DGKD: variants seen among roughly 807,000 people sequenced by gnomAD.
DGKD encodes diacylglycerol kinase delta, also known as DAG kinase delta.
Under a neutral mutation model 154.4 loss-of-function variants are expected in DGKD, and 68 were observed. That is an observed-to-expected ratio of 0.44 (90% CI 0.36 to 0.54). DGKD has a LOEUF of 0.54. DGKD is among the 20% of genes least tolerant of loss of function. The probability of loss-of-function intolerance (pLI) is 0.00; values close to 1 mark genes in which losing one functional copy is unlikely to be tolerated. For synonymous variants in DGKD, 693 were observed against 638.0 expected (o/e 1.09, Z -1.30); for missense variants, 1,343 against 1,593.6 (o/e 0.84, Z 2.68).
chr2:233,366,283 C>T (rs944981018), intron 1 of DGKD, among the ~76,000 whole-genome samples: 9 of 152,168 alleles, frequency 5.9e-5, no homozygotes, highest in South Asian at 2.1e-4. Flanking sequence ...AGCTGCGCTG[C>T]GGTTGCCTGA....
chr2:233,425,389 G>C (rs1426771709), intron 3 of DGKD, among the ~76,000 whole-genome samples: 2 of 152,066 alleles, frequency 1.3e-5, no homozygotes, highest in Non-Finnish European at 2.9e-5. Flanking sequence ...GGGTTTCACT[G>C]TGTTAGCCAG....
chr2:233,370,754 G>A (rs1404292323), intron 1 of DGKD, among the ~76,000 whole-genome samples: 2 of 151,314 alleles, frequency 1.3e-5, no homozygotes, highest in Admixed American at 1.3e-4. Flanking sequence ...CATTTATTTT[G>A]TATTTTTTTT....
At chr2:233,434,697 T>C in intron 4 of DGKD, 72 bp from the exon 5 acceptor site, 1 of 1,571,150 alleles carries the variant, frequency 6.4e-7, no homozygotes, top group Non-Finnish European at 8.6e-7. Context: ...TTGTTTAATC[T>C]TGTCCAAGTT....
At chr2:233,417,145 T>A (rs1448672167) in intron 3 of DGKD, among the ~76,000 whole-genome samples, 1 of 152,110 alleles carries the variant, frequency 6.6e-6, no homozygotes, top group Non-Finnish European at 1.5e-5. Context: ...TGATTCTCCC[T>A]CCTCAGCCTC....
chr2:233,429,836 T>G (rs1475752921), intron 3 of DGKD, among the ~76,000 whole-genome samples: 1 of 152,204 alleles, frequency 6.6e-6, no homozygotes, highest in Non-Finnish European at 1.5e-5. Flanking sequence ...GCCCCAGGTG[T>G]TCTTCTCCCA....
At chr2:233,406,893 T>A (rs1028021724) in intron 3 of DGKD, among the ~76,000 whole-genome samples, 1 of 152,216 alleles carries the variant, frequency 6.6e-6, no homozygotes, top group Non-Finnish European at 1.5e-5. Flanking sequence ...ATAACCATGT[T>A]ATGCAGAGAG....
rs578226331 is a variant in DGKD, at chr2:233,451,768, A to G, written c.2168-196A>G. On this transcript the variant is annotated intron_variant, in intron 17 of 29. Transcript: ENST00000264057. Reference sequence around the variant, plus strand: ...TTGTAGGTGTTGGTTTCTGCCACCCAGTATGGTTTCTTTGTTCCAGTGATT... The same window carrying G: ...TTGTAGGTGTTGGTTTCTGCCACCCGGTATGGTTTCTTTGTTCCAGTGATT... Among the ~76,000 whole-genome samples the G allele has an allele frequency of 2.3e-3, 344 of 152,266 alleles. 4 individuals carry two copies. Among genetic ancestry groups the G allele is most frequent in the Non-Finnish European group, 1.4e-3 (95 of 68,010 alleles).
chr2:233,422,164 T>C (rs1559527193), intron 3 of DGKD, among the ~76,000 whole-genome samples: 1 of 152,238 alleles, frequency 6.6e-6, no homozygotes. Flanking sequence ...ACATTGGTAT[T>C]GCCGTAGTGG....
chr2:233,410,304 G>A (rs972376561), intron 3 of DGKD, among the ~76,000 whole-genome samples: 3 of 152,280 alleles, frequency 2.0e-5, no homozygotes, highest in African/African-American at 7.2e-5. Flanking sequence ...CAGGAGCCTT[G>A]GGGTTTGTCC....
chr2:233,409,787 G>GTTTTT lies in DGKD; in HGVS notation c.348+19329_348+19333dup, dbSNP rs3075533. 9.9e-5 allele frequency among the ~76,000 whole-genome samples: 6 copies of GTTTTT among 60,894 alleles called. 1 individual carries two copies. The highest frequency in any genetic ancestry group is 3.7e-4 in the African/African-American group (5 of 13,548). 39.9% of individuals were successfully genotyped at this position (60,894 alleles called of 152,430 possible). ...AAAAAACATGTGATCCCCCCATACC[G>GTTTTT]TTTTTTTTTTTTTTTTTTTTTTTTT... On this transcript the variant is annotated intron_variant, in intron 3 of 29. Transcript: ENST00000264057.
At position 233,464,246 on chromosome 2, in the gene DGKD, C is replaced by G. The variant is rs771282230; in HGVS notation, c.3269C>G (p.Pro1090Arg). The G allele has an allele frequency of 6.2e-7, 1 of 1,613,578 alleles. No homozygotes were observed. Among genetic ancestry groups the G allele is most frequent in the Non-Finnish European group, 8.5e-7 (1 of 1,180,020 alleles). ...CAGCTCAGGAGGCTGGCAGACACCC[C>G]GTGGCTCTGCCAGTCCGCAGAGCCC... is the stretch of plus-strand genomic sequence containing the variant. ...DRQLRRLADT[P>R]WLCQSAEPGD... is the part of the protein sequence containing the mutation. The change falls in exon 27 of 30, where the codon CCG (proline) becomes CGG (arginine). Residue 1090 changes from proline to arginine, a missense_variant. Physicochemically the swap from Pro to Arg is moderately radical, Grantham distance 103 (BLOSUM62 -2). Around this residue, in one of 6 missense-constraint regions of DGKD, gnomAD observed 429 missense variants for 496.3 expected, o/e 0.86. Transcript: ENST00000264057.
At position 233,452,043 on chromosome 2, in the gene DGKD, C is replaced by T. The variant is rs1037804898; in HGVS notation, c.2247C>T (p.Asn749=). Residue 749 remains asparagine (N), a synonymous_variant, in exon 18 of 30, where the codon AAC becomes AAT. Transcript: ENST00000264057. This position sits in a 1 kb window ranked among gnomAD's most constrained non-coding sequence, Gnocchi z 4.0. ...TGTTAATTAATGCTGATCCCTTCAA[C>T]TCTGAACCAGAAACCCTGTGAGTAT... ...SRLLINADPF[N]SEPETLEYYT... 1 of 1,614,048 alleles carries T rather than the reference C, an allele frequency of 6.2e-7. No individual in the cohort carries two copies. The highest frequency in any genetic ancestry group is 1.3e-5 in the African/African-American group (1 of 75,046).
At chr2:233,423,700 G>A (rs1163324367) in intron 3 of DGKD, among the ~76,000 whole-genome samples, 1 of 152,052 alleles carries the variant, frequency 6.6e-6, no homozygotes. Context: ...TTGTGGCGCT[G>A]GCTGGAGTAA....
intron 1 of DGKD, among the ~76,000 whole-genome samples, chr2:233,381,105 C>T (rs1702880663): frequency 6.6e-6 from 1 of 152,212 alleles, no homozygotes; most frequent in African/African-American, 2.4e-5. Context: ...AGACTCAGGG[C>T]CTGGCTCTGC....
intron 1 of DGKD, among the ~76,000 whole-genome samples, chr2:233,378,742 A>G (rs989670976): frequency 6.6e-6 from 1 of 152,006 alleles, no homozygotes; most frequent in African/African-American, 2.4e-5. Flanking sequence ...TAATTTCTTT[A>G]AAGATTAGGG....
Position 233,445,486 on chromosome 2 carries a change from G to A in DGKD, c.1195-137G>A. On this transcript the variant is annotated intron_variant, in intron 10 of 29. Coordinates refer to ENST00000264057, the MANE Select transcript of DGKD (RefSeq NM_152879.3). The surrounding 1 kb of genome is among the most constrained non-coding windows in gnomAD (Gnocchi z 5.5). ...CTCCAGTGGGCTCTGCCTGTAATGT[G>A]TAAGCTGCGTGGTTTTAGGTCACGT... 8.0e-7 allele frequency: 1 copy of A among 1,242,374 alleles called. No homozygotes were observed. Among genetic ancestry groups the A allele is most frequent in the Non-Finnish European group, 1.1e-6 (1 of 918,600 alleles). 77.0% of individuals were successfully genotyped at this position (1,242,374 alleles called of 1,614,324 possible). A position where few individuals can be genotyped will look rare whatever the true frequency, so the allele number is the denominator to read the frequency against.
At chr2:233,456,471 G>A (rs942911406) in intron 19 of DGKD, among the ~76,000 whole-genome samples, 5 of 152,226 alleles carry the variant, frequency 3.3e-5, no homozygotes, top group South Asian at 2.1e-4. Flanking sequence ...TCATTAGCAC[G>A]TGTGGAGGGT....
At chr2:233,465,561 C>T (rs963210581) in intron 27 of DGKD, among the ~76,000 whole-genome samples, 1 of 151,886 alleles carries the variant, frequency 6.6e-6, no homozygotes, top group Non-Finnish European at 1.5e-5. Context: ...AGACCAGGCT[C>T]GGCAACATAG....
chr2:233,359,249 T>A (rs1476405593), intron 1 of DGKD, among the ~76,000 whole-genome samples: 2 of 152,248 alleles, frequency 1.3e-5, no homozygotes, highest in Non-Finnish European at 2.9e-5. Context: ...TTTCCTCATC[T>A]GTAAACATGG....
Sources: gnomAD v4.1 joint callset for allele counts (sites outside exome capture counted in the v4.1 genomes callset) on GRCh38, gnomAD v4.1.1 for gene constraint, gnomAD v4.1.1 regional missense constraint, Gnocchi (gnomAD v3.1) non-coding constraint, MANE v1.5 for transcripts, NCBI Gene and HGNC (gene_info 2026-07-23, HGNC 2026-07-21) for gene names.